The following LINGO2 variants were observed in gnomAD, a reference collection of about 807,000 sequenced individuals.
The protein encoded by LINGO2 is leucine rich repeat and Ig domain containing 2.
LINGO2 carries 14 observed loss-of-function variants against 30.6 expected under a neutral mutation model. That is an observed-to-expected ratio of 0.46 (90% CI 0.30 to 0.72). The LOEUF is 0.72. LINGO2 is among the 30% of genes least tolerant of loss of function. The pLI is 0.07. For missense variants in LINGO2, 729 were observed against 751.7 expected, an observed-to-expected ratio of 0.97 and a Z score of 0.35; for synonymous variants, 317 against 288.5, an observed-to-expected ratio of 1.10 and a Z score of -1.00.
At chr9:29,035,750 T>C in the LINGO2 span, among the ~76,000 whole-genome samples, 5 of 151,932 alleles carry the variant, frequency 3.3e-5, no homozygotes, top group African/African-American at 9.7e-5. Flanking sequence ...ACCTAACGTC[T>C]TGTAAGTTGT....
chr9:29,012,907 C>A, the LINGO2 span, among the ~76,000 whole-genome samples: 30 of 152,278 alleles, frequency 2.0e-4, no homozygotes, highest in South Asian at 3.1e-3. Flanking sequence ...AGAAAAAGTT[C>A]TTTTCTATTA....
intron 1 of LINGO2, among the ~76,000 whole-genome samples, chr9:28,631,563 A>G (rs1472840156): frequency 6.6e-6 from 1 of 152,080 alleles, no homozygotes; most frequent in Non-Finnish European, 1.5e-5. Context: ...GATGTGTGGT[A>G]TTAGAGAAAC....
the LINGO2 span, among the ~76,000 whole-genome samples, chr9:28,690,095 G>C: frequency 3.3e-5 from 5 of 152,090 alleles, no homozygotes; most frequent in Non-Finnish European, 7.4e-5. Context: ...GGAGGACGGA[G>C]AGCATTAGGA....
chr9:28,482,379 G>C (rs1826006213), intron 1 of LINGO2, among the ~76,000 whole-genome samples: 1 of 152,140 alleles, frequency 6.6e-6, no homozygotes, highest in Non-Finnish European at 1.5e-5. Context: ...GGCCAGTGAT[G>C]ATGAGCATTT....
At chr9:29,185,586 G>C in the LINGO2 span, among the ~76,000 whole-genome samples, 1 of 152,146 alleles carries the variant, frequency 6.6e-6, no homozygotes, top group Non-Finnish European at 1.5e-5. Flanking sequence ...TTTACATTTT[G>C]CAAAGGTCAT....
rs902080442 is a variant in LINGO2 at position 28,335,940 on chromosome 9, A to G, written c.-246+36896T>C. On this transcript the variant is annotated intron_variant, in intron 3 of 5. Coordinates refer to ENST00000379992, the Ensembl canonical transcript of LINGO2. ...GCTAACATAAGTTTACTTTTCTGTT[A>G]GATCAATGCTCAGTAGTATAATTTT... Among the ~76,000 whole-genome samples, 15 of 152,116 alleles carry G rather than the reference A, an allele frequency of 9.9e-5. 1 individual carries two copies. Among genetic ancestry groups the G allele is most frequent in the African/African-American group, 2.9e-4 (12 of 41,436 alleles).
the LINGO2 span, among the ~76,000 whole-genome samples, chr9:28,706,785 A>G: frequency 6.6e-6 from 1 of 152,090 alleles, no homozygotes; most frequent in Non-Finnish European, 1.5e-5. Context: ...CCATATTTTG[A>G]CTAGGAGCAT....
At chr9:28,885,434 CAT>C in the LINGO2 span, among the ~76,000 whole-genome samples, 16 of 137,708 alleles carry the variant, frequency 1.2e-4, no homozygotes, top group South Asian at 1.2e-3. Flanking sequence ...CACACATATA[CAT>C]ATATATACAC....
intron 4 of LINGO2, among the ~76,000 whole-genome samples, chr9:28,101,323 G>T (rs1263898399): frequency 6.6e-6 from 1 of 151,984 alleles, no homozygotes; most frequent in East Asian, 1.9e-4. Context: ...TCCTGAGTTT[G>T]CTAAAGGCTA....
At chr9:28,739,932 ATGTGTG>A in the LINGO2 span, among the ~76,000 whole-genome samples, 6 of 136,896 alleles carry the variant, frequency 4.4e-5, no homozygotes, top group East Asian at 1.3e-3. Flanking sequence ...ACATATATAT[ATGTGTG>A]TATATATATA....
rs200150497 is a variant in LINGO2, at chr9:28,003,342, TATAGATAGATAG to T, written c.-36+9001_-36+9012del. 8.8e-3 allele frequency among the ~76,000 whole-genome samples: 1,245 copies of T among 141,722 alleles called. 10 individuals carry two copies. The highest frequency in any genetic ancestry group is 0.03 in the South Asian group (131 of 4,358). 93.0% of individuals were successfully genotyped at this position (141,722 alleles called of 152,430 possible). ...TGTTAACCATATAGATATATAGATATATAGATAGATAGATAGATAGATAGATAGATAGATAGA... is the reference window on the plus strand; with the variant it reads ...TGTTAACCATATAGATATATAGATATATAGATAGATAGATAGATAGATAGA... On this transcript the variant is annotated intron_variant, in intron 5 of 5. Transcript: ENST00000379992.
chr9:28,551,185 A>G (rs1444486939), intron 1 of LINGO2, among the ~76,000 whole-genome samples: 4 of 151,496 alleles, frequency 2.6e-5, no homozygotes, highest in Non-Finnish European at 4.4e-5. Flanking sequence ...AACTTTAAAT[A>G]GATTACTAAA....
intron 1 of LINGO2, among the ~76,000 whole-genome samples, chr9:28,598,332 C>G (rs1825290337): frequency 6.8e-6 from 1 of 147,994 alleles, no homozygotes; most frequent in Admixed American, 6.8e-5. Context: ...AGTATTCTCA[C>G]TTGAGAAAAA....
intron 4 of LINGO2, among the ~76,000 whole-genome samples, chr9:28,183,309 TG>T: frequency 6.7e-6 from 1 of 149,936 alleles, no homozygotes; most frequent in Non-Finnish European, 1.5e-5. Context: ...TGTTGAGGGG[TG>T]GGGGGCGAGG....
the LINGO2 span, among the ~76,000 whole-genome samples, chr9:29,047,051 A>AAAAAAAAAACAAAAAAC: frequency 9.3e-6 from 1 of 106,980 alleles, no homozygotes; most frequent in South Asian, 3.2e-4. Flanking sequence ...AAAAAAAAAA[A>AAAAAAAAAACAAAAAAC]CCAAAAACAA....
chr9:28,971,779 G>C, the LINGO2 span, among the ~76,000 whole-genome samples: 1 of 152,208 alleles, frequency 6.6e-6, no homozygotes, highest in African/African-American at 2.4e-5. Context: ...CAGTTGTAGA[G>C]CTCCAGGACC....
At chr9:28,353,780 C>T (rs535732005) in intron 3 of LINGO2, among the ~76,000 whole-genome samples, 1,796 of 151,614 alleles carry the variant, frequency 0.012, 38 homozygotes, top group African/African-American at 0.039. Flanking sequence ...TAGACTGGAT[C>T]AAGAAAATGT....
chr9:28,654,052 G>T (rs1828229737), intron 1 of LINGO2, among the ~76,000 whole-genome samples: 3 of 151,934 alleles, frequency 2.0e-5, no homozygotes, highest in Admixed American at 2.0e-4. Context: ...TTTGCTAAAT[G>T]ACTATGTATA....
chr9:28,024,950 C>T (rs1276235775), intron 4 of LINGO2, among the ~76,000 whole-genome samples: 1 of 152,172 alleles, frequency 6.6e-6, no homozygotes, highest in Non-Finnish European at 1.5e-5. Context: ...GCACCAGTAG[C>T]AGGCAGCCCT....
Sources: gnomAD v4.1 joint callset for allele counts (sites outside exome capture counted in the v4.1 genomes callset) on GRCh38, gnomAD v4.1.1 for gene constraint, MANE v1.5 for transcripts, NCBI Gene and HGNC (gene_info 2026-07-23, HGNC 2026-07-21) for gene names.